ZNF804A: variants seen among roughly 807,000 people sequenced by gnomAD.
ZNF804A encodes the protein zinc finger protein 804A.
A neutral mutation model predicts 16.5 loss-of-function variants in ZNF804A; 2 were observed. The ratio of observed to expected loss-of-function variants is 0.12; its 90% confidence interval spans 0.05 to 0.38. The LOEUF (loss-of-function observed/expected upper bound fraction) is 0.38, where lower values mean the gene tolerates loss of function less well. Ranked by LOEUF, ZNF804A falls within the 10% of genes least tolerant of loss-of-function variation. ZNF804A has a pLI of 0.99. For missense variants in ZNF804A, 1,473 were observed against 1,390.7 expected (o/e 1.06, Z -0.94); for synonymous variants, 534 against 489.6 (o/e 1.09, Z -1.20).
chr2:184,812,853 G>A (rs1315979293), intron 1 of ZNF804A, among the ~76,000 whole-genome samples: 6 of 152,026 alleles, frequency 3.9e-5, no homozygotes, highest in Non-Finnish European at 8.8e-5. Context: ...GGTTTATTAT[G>A]TTTGTTAATG....
intron 1 of ZNF804A, among the ~76,000 whole-genome samples, chr2:184,703,689 C>CAAAAAA (rs10593157): frequency 1.8e-5 from 1 of 56,436 alleles, no homozygotes; most frequent in African/African-American, 7.2e-5. Context: ...GACTCCGGTT[C>CAAAAAA]AAAAAAAAAA....
At chr2:184,935,549 A>G (rs891558619) in intron 3 of ZNF804A, among the ~76,000 whole-genome samples, 1 of 152,204 alleles carries the variant, frequency 6.6e-6, no homozygotes, top group Non-Finnish European at 1.5e-5. Flanking sequence ...ATTGCTCATA[A>G]CAGCTATAAA....
chr2:184,852,422 T>G (rs1695620954), intron 1 of ZNF804A, among the ~76,000 whole-genome samples: 2 of 151,268 alleles, frequency 1.3e-5, no homozygotes, highest in Admixed American at 1.3e-4. Flanking sequence ...TTTCCTTGAC[T>G]GTGCAGAGCT....
At chr2:184,908,868 T>C (rs976946417) in intron 2 of ZNF804A, among the ~76,000 whole-genome samples, 9 of 152,194 alleles carry the variant, frequency 5.9e-5, no homozygotes, top group Non-Finnish European at 1.3e-4. Flanking sequence ...TAAGCAAATA[T>C]CCAGTAAAGG....
chr2:184,792,466 T>C (rs1385129246), intron 1 of ZNF804A, among the ~76,000 whole-genome samples: 2 of 152,182 alleles, frequency 1.3e-5, no homozygotes, highest in Non-Finnish European at 2.9e-5. Flanking sequence ...TCTTCTTTTG[T>C]GAGGTGCCTG....
At chr2:184,633,276 C>G (rs6434092) in intron 1 of ZNF804A, among the ~76,000 whole-genome samples, 131,307 of 152,222 alleles carry the variant, frequency 0.86, 56,985 homozygotes, top group African/African-American at 0.91. Flanking sequence ...TCTATTGCTT[C>G]AACAGAACTC....
chr2:184,599,944 C>T (rs1691020277), intron 1 of ZNF804A, among the ~76,000 whole-genome samples: 1 of 152,090 alleles, frequency 6.6e-6, no homozygotes, highest in South Asian at 2.1e-4. Context: ...GAACTATACA[C>T]CTCCATAAAG....
chr2:184,848,924 A>G (rs1188761311), intron 1 of ZNF804A, among the ~76,000 whole-genome samples: 1 of 152,126 alleles, frequency 6.6e-6, no homozygotes, highest in Non-Finnish European at 1.5e-5. Context: ...TTGAAAGTAA[A>G]GCCTAGGACA....
chr2:184,887,999 G>A (rs1021317975), intron 2 of ZNF804A, among the ~76,000 whole-genome samples: 3 of 152,088 alleles, frequency 2.0e-5, no homozygotes, highest in Admixed American at 2.0e-4. Context: ...TACGGTAACG[G>A]TTGAAGAACT....
At chr2:184,652,871 G>C (rs1407936241) in intron 1 of ZNF804A, among the ~76,000 whole-genome samples, 2 of 151,998 alleles carry the variant, frequency 1.3e-5, no homozygotes, top group Non-Finnish European at 2.9e-5. Context: ...GTTTTATAAG[G>C]GGCTTCCCTC....
rs1250715003 is a variant in ZNF804A at position 184,607,075 on chromosome 2, A to G, written c.111+8005A>G. 2.6e-5 allele frequency among the ~76,000 whole-genome samples: 4 copies of G among 152,214 alleles called. No individual in the cohort carries two copies. The East Asian group carries it at 7.7e-4, about 29-fold the overall frequency. Reference sequence around the variant, plus strand: ...GTGAAATTTTTCTGCTATTTTATATACAGGTTTACAATAACTTTATCTGAA... The same window carrying G: ...GTGAAATTTTTCTGCTATTTTATATGCAGGTTTACAATAACTTTATCTGAA... On this transcript the variant is annotated intron_variant, in intron 1 of 3. Coordinates refer to ENST00000302277, the MANE Select transcript of ZNF804A (RefSeq NM_194250.2).
chr2:184,867,368 G>A (rs1695891380), intron 2 of ZNF804A, among the ~76,000 whole-genome samples: 1 of 151,998 alleles, frequency 6.6e-6, no homozygotes, highest in Admixed American at 6.6e-5. Context: ...ACATTTTTAA[G>A]CAGTTGAACC....
chr2:184,932,111 T>A (rs1685711363), intron 2 of ZNF804A, among the ~76,000 whole-genome samples: 2 of 152,162 alleles, frequency 1.3e-5, no homozygotes, highest in South Asian at 4.1e-4. Context: ...TCTAAGCCAT[T>A]TGACAAGTCT....
At chr2:184,706,077 G>C (rs1693026585) in intron 1 of ZNF804A, among the ~76,000 whole-genome samples, 1 of 152,136 alleles carries the variant, frequency 6.6e-6, no homozygotes, top group African/African-American at 2.4e-5. Context: ...CATACAGTGA[G>C]CTCTATCAAC....
At chr2:184,615,074 G>T (rs1029643541) in intron 1 of ZNF804A, among the ~76,000 whole-genome samples, 1 of 152,174 alleles carries the variant, frequency 6.6e-6, no homozygotes, top group Non-Finnish European at 1.5e-5. Flanking sequence ...CTACTCTAAA[G>T]ACACATGCAC....
At position 184,772,973 on chromosome 2, in the gene ZNF804A, A is replaced by ATACATATATATG. The variant is rs1553477286; in HGVS notation, c.112-93394_112-93393insCATATATATGTA. Among the ~76,000 whole-genome samples the ATACATATATATG allele has an allele frequency of 1.4e-4, 10 of 71,186 alleles. No homozygotes were observed. The African/African-American group carries it at 1.9e-3, about 14-fold the overall frequency. 46.7% of individuals were successfully genotyped at this position (71,186 alleles called of 152,430 possible). ...CATATATACATATACATATATATGT[A>ATACATATATATG]TATATATATGTGTGTGTGGGGTGTG... On this transcript the variant is annotated intron_variant, in intron 1 of 3. Coordinates refer to ENST00000302277, the MANE Select transcript of ZNF804A (RefSeq NM_194250.2).
At chr2:184,845,092 T>C (rs893758281) in intron 1 of ZNF804A, among the ~76,000 whole-genome samples, 4 of 152,104 alleles carry the variant, frequency 2.6e-5, no homozygotes, top group Non-Finnish European at 5.9e-5. Context: ...TCTTTGTTTA[T>C]ATAACTTGTG....
chr2:184,889,192 T>A (rs1028446194), intron 2 of ZNF804A, among the ~76,000 whole-genome samples: 3 of 152,042 alleles, frequency 2.0e-5, no homozygotes, highest in Admixed American at 6.6e-5. Flanking sequence ...TTGTTTGATT[T>A]GAGTTTCTTT....
rs753566392 is a variant in ZNF804A, at chr2:184,937,481, G to A, written c.2085G>A (p.Lys695=). 4.7e-6 allele frequency: 7 copies of A among 1,480,852 alleles called. No individual in the cohort carries two copies. In the South Asian group the frequency reaches 8.3e-5, roughly 17 times the overall value. 91.7% of individuals were successfully genotyped at this position (1,480,852 alleles called of 1,614,324 possible). The change falls in exon 4 of 4, where the codon AAG becomes AAA. Residue 695 remains lysine (K), a synonymous_variant. Coordinates refer to ENST00000302277, the MANE Select transcript of ZNF804A (RefSeq NM_194250.2). ...DTISSKNHCK[K]NTILLNGQSN... ...TCAGTTCTAAAAACCACTGTAAAAA[G>A]AACACAATACTTTTAAATGGACAAT... is the stretch of plus-strand genomic sequence containing the variant.
Sources: gnomAD v4.1 joint callset for allele counts (sites outside exome capture counted in the v4.1 genomes callset) on GRCh38, gnomAD v4.1.1 for gene constraint, MANE v1.5 for transcripts, NCBI Gene and HGNC (gene_info 2026-07-23, HGNC 2026-07-21) for gene names.